DOCK2: variants seen among roughly 807,000 people sequenced by gnomAD.
DOCK2 encodes the protein dedicator of cytokinesis 2.
Under a neutral mutation model 248.9 loss-of-function variants are expected in DOCK2, and 87 were observed. The observed-to-expected ratio is 0.35, with a 90% CI of 0.29 to 0.42. DOCK2 has a LOEUF of 0.42. Ranked by LOEUF, DOCK2 falls within the 10% of genes least tolerant of loss-of-function variation. The pLI is 1.00. For synonymous variants in DOCK2, 805 were observed against 821.6 expected (o/e 0.98, Z 0.35); for missense variants, 1,747 against 2,300.2 (o/e 0.76, Z 4.92).
At chr5:169,688,262 C>T (rs1167646568) in intron 8 of DOCK2, among the ~76,000 whole-genome samples, 2 of 152,368 alleles carry the variant, frequency 1.3e-5, no homozygotes, top group East Asian at 3.9e-4. Context: ...CCAGCTGTTT[C>T]CTGCCTCGTG....
chr5:170,061,528 G>C (rs2113862393), intron 44 of DOCK2, among the ~76,000 whole-genome samples: 1 of 152,322 alleles, frequency 6.6e-6, no homozygotes, highest in South Asian at 2.1e-4. Context: ...CCTGTTATTA[G>C]CTAAACCGTG....
intron 30 of DOCK2, among the ~76,000 whole-genome samples, chr5:170,006,461 T>C (rs558328442): frequency 1.3e-5 from 2 of 152,188 alleles, no homozygotes; most frequent in East Asian, 3.9e-4. Context: ...TACAGGTGTG[T>C]GCCACCATGC....
At chr5:169,726,991 C>G (rs890442392) in intron 22 of DOCK2, among the ~76,000 whole-genome samples, 3 of 151,372 alleles carry the variant, frequency 2.0e-5, no homozygotes, top group African/African-American at 7.3e-5. Context: ...ATTGCTTGAA[C>G]TGGGGGGTGG....
intron 26 of DOCK2, among the ~76,000 whole-genome samples, chr5:169,818,722 A>G (rs1224550893): frequency 6.6e-6 from 1 of 152,104 alleles, no homozygotes; most frequent in Non-Finnish European, 1.5e-5. Flanking sequence ...TTCTATTTCC[A>G]GCTCTAATTC....
intron 27 of DOCK2, among the ~76,000 whole-genome samples, chr5:169,854,484 C>T (rs902012519): frequency 6.6e-6 from 1 of 152,188 alleles, no homozygotes; most frequent in Non-Finnish European, 1.5e-5. Flanking sequence ...ATGCCCAGCC[C>T]TGTAACACTT....
chr5:169,692,350 C>T (rs1236936428), intron 9 of DOCK2, among the ~76,000 whole-genome samples: 2 of 152,160 alleles, frequency 1.3e-5, no homozygotes. Flanking sequence ...CCTGCTTCCC[C>T]AATACTTTCG....
intron 27 of DOCK2, among the ~76,000 whole-genome samples, chr5:169,955,886 A>G (rs1177717067): frequency 2.0e-5 from 3 of 152,162 alleles, no homozygotes; most frequent in Non-Finnish European, 4.4e-5. Flanking sequence ...AAACTAAGAC[A>G]TGGCTCATTG....
At chr5:169,877,644 G>A (rs1772406623) in intron 27 of DOCK2, among the ~76,000 whole-genome samples, 1 of 151,980 alleles carries the variant, frequency 6.6e-6, no homozygotes, top group African/African-American at 2.4e-5. Flanking sequence ...GCATGTAGTT[G>A]CTTGAAAATT....
chr5:169,679,799 C>T (rs1178270783), intron 6 of DOCK2, among the ~76,000 whole-genome samples: 1 of 152,186 alleles, frequency 6.6e-6, no homozygotes, highest in East Asian at 1.9e-4. Flanking sequence ...CCTTGGCTCG[C>T]TTCTGACTGC....
At chr5:169,878,598 T>TA (rs1364048418) in intron 27 of DOCK2, among the ~76,000 whole-genome samples, 2 of 152,238 alleles carry the variant, frequency 1.3e-5, no homozygotes, top group Admixed American at 1.3e-4. Context: ...GACGTTCTAG[T>TA]ACCAAACTCA....
At chr5:169,901,246 GGT>G (rs1773907545) in intron 27 of DOCK2, among the ~76,000 whole-genome samples, 1 of 152,162 alleles carries the variant, frequency 6.6e-6, no homozygotes, top group Admixed American at 6.5e-5. Flanking sequence ...ATGCAAGAAA[GGT>G]ATTTGGCCTT....
At chr5:170,057,326 A>T in intron 43 of DOCK2, 1 of 537,278 alleles carries the variant, frequency 1.9e-6, no homozygotes, top group East Asian at 3.4e-5. Context: ...ATTGCCTAAA[A>T]ATTCAGACTG....
intron 27 of DOCK2, among the ~76,000 whole-genome samples, chr5:169,927,862 C>T (rs1471065918): frequency 2.0e-5 from 3 of 152,128 alleles, no homozygotes; most frequent in African/African-American, 7.2e-5. Context: ...ATGATCCACC[C>T]GTCTCGGCCT....
Position 169,986,140 on chromosome 5 carries a change from A to G in DOCK2, c.2993+218A>G, listed in dbSNP as rs538417117. On this transcript the variant is annotated intron_variant, in intron 29 of 51. Transcript: ENST00000520908. ...CTTCTCCATTTTTCAAATCCCAGTT[A>G]GAATATCATACTTCATCTCTGAAGC... 1.1e-4 allele frequency among the ~76,000 whole-genome samples: 17 copies of G among 152,382 alleles called. 1 individual carries two copies. The South Asian group carries it at 3.5e-3, about 32-fold the overall frequency.
intron 27 of DOCK2, among the ~76,000 whole-genome samples, chr5:169,962,622 G>C (rs186303676): frequency 1.3e-5 from 2 of 152,240 alleles, no homozygotes; most frequent in East Asian, 3.9e-4. Flanking sequence ...GTTAGACAAA[G>C]AGGTTAGACA....
intron 2 of DOCK2, among the ~76,000 whole-genome samples, chr5:169,658,326 A>G (rs1344521191): frequency 1.3e-5 from 2 of 151,826 alleles, no homozygotes; most frequent in African/African-American, 4.8e-5. Flanking sequence ...TAAAAATACA[A>G]AAAATTAGCC....
chr5:169,643,379 G>A (rs1381502741), intron 1 of DOCK2, among the ~76,000 whole-genome samples: 1 of 147,918 alleles, frequency 6.8e-6, no homozygotes, highest in Non-Finnish European at 1.5e-5. Flanking sequence ...GGCTGGTTTG[G>A]TGGAAGACAA....
At chr5:169,867,944 G>A (rs146695002) in intron 27 of DOCK2, among the ~76,000 whole-genome samples, 140 of 152,226 alleles carry the variant, frequency 9.2e-4, no homozygotes, top group African/African-American at 3.0e-3. Flanking sequence ...TCTAGCACCA[G>A]GAACACACAT....
intron 8 of DOCK2, among the ~76,000 whole-genome samples, chr5:169,687,121 G>A (rs561774695): frequency 1.8e-4 from 27 of 152,242 alleles, no homozygotes; most frequent in African/African-American, 5.8e-4. Flanking sequence ...GACGTAGCAA[G>A]CTGGGTCACT....
Sources: gnomAD v4.1 joint callset for allele counts (sites outside exome capture counted in the v4.1 genomes callset) on GRCh38, gnomAD v4.1.1 for gene constraint, MANE v1.5 for transcripts, NCBI Gene and HGNC (gene_info 2026-07-23, HGNC 2026-07-21) for gene names.